Variants in CEACAM8 observed in about 807,000 individuals in gnomAD.
The protein encoded by CEACAM8 is cell adhesion molecule CEACAM8.
CEACAM8 carries 31 observed loss-of-function variants against 33.4 expected under a neutral mutation model. That is an observed-to-expected ratio of 0.93 (90% confidence interval 0.70 to 1.25). CEACAM8 has a LOEUF of 1.25. Among genes scored for constraint, CEACAM8 ranks in the 50% most tolerant of loss-of-function variants. CEACAM8 has a pLI of 0.00. For missense variants in CEACAM8, 388 were observed against 434.6 expected, an observed-to-expected ratio of 0.89 and a Z score of 0.95; for synonymous variants, 138 against 164.5, an observed-to-expected ratio of 0.84 and a Z score of 1.23.
At chr19:42,587,934 C>T (rs189801056) in intron 4 of CEACAM8, among the ~76,000 whole-genome samples, 11 of 152,284 alleles carry the variant, frequency 7.2e-5, no homozygotes, top group East Asian at 5.8e-4. Flanking sequence ...ACCCAGGAGG[C>T]GGAGGGTGAG....
At chr19:42,586,756 A>G (rs2047281755) in intron 4 of CEACAM8, among the ~76,000 whole-genome samples, 1 of 152,178 alleles carries the variant, frequency 6.6e-6, no homozygotes, top group South Asian at 2.1e-4. Context: ...AAAATCAATA[A>G]CTTTTATATA....
intron 5 of CEACAM8, among the ~76,000 whole-genome samples, chr19:42,581,946 T>TATATATATATATATATATATATAA (rs765190705): frequency 4.8e-5 from 4 of 84,070 alleles, no homozygotes; most frequent in African/African-American, 1.4e-4. Context: ...TATATATATA[T>TATATATATATATATATATATATAA]AAAATAAGGT....
Position 42,588,799 on chromosome 19 carries a change from T to A in CEACAM8, c.943A>T (p.Met315Leu), listed in dbSNP as rs2042379149. ...ATGRNRTTVR[M>L]ITVSDALVQG... is the part of the protein sequence containing the mutation. ...ATCCACTTACCAGAGACTGTGATCA[T>A]CCTGACTGTGGTCCTGTTGCGGCCA... Residue 315 changes from methionine to leucine, a missense_variant, in exon 4 of 6, where the codon ATG becomes TTG. Physicochemically the swap from Met to Leu is conservative, Grantham distance 15 (BLOSUM62 2). Coordinates refer to ENST00000244336, the MANE Select transcript of CEACAM8 (RefSeq NM_001816.4). The A allele has an allele frequency of 6.2e-7, 1 of 1,614,050 alleles. No individual in the cohort carries two copies. Among genetic ancestry groups the A allele is most frequent in the African/African-American group, 1.3e-5 (1 of 74,922 alleles).
At chr19:42,585,334 C>CAAAAA (rs45540542) in intron 4 of CEACAM8, among the ~76,000 whole-genome samples, 4 of 112,724 alleles carry the variant, frequency 3.5e-5, no homozygotes, top group Admixed American at 9.0e-5. Context: ...AAAAAACAAA[C>CAAAAA]AAAAAAAAAA....
Position 42,589,438 on chromosome 19 carries a change from A to C in CEACAM8, c.703+19T>G. On this transcript the variant is annotated intron_variant, in intron 3 of 5. Transcript: ENST00000244336. ...TTTGGGCTGGTGGCCTGGGCCACAG[A>C]GGAACAGAAGATACTCACAGAGGAC... 6.2e-7 allele frequency: 1 copy of C among 1,613,820 alleles called. No individual in the cohort carries two copies. The highest frequency in any genetic ancestry group is 1.1e-5 in the South Asian group (1 of 91,088).
In CEACAM8 at chr19:42,593,561, GTTAC is replaced by G. The variant is rs1388323383; in HGVS notation, c.400_403del (p.Val134LeufsTer46). 1 of 1,576,938 alleles carries G rather than the reference GTTAC, an allele frequency of 6.3e-7. No individual in the cohort carries two copies. ...CTCACGATGTACGCTGAACTGGCCA[GTTAC>G]TTCTTCACTCATAAGATTTAGCTTT... On this transcript the variant is annotated frameshift_variant, in exon 2 of 6. Transcript: ENST00000244336. LOFTEE classifies it high-confidence loss of function.
intron 4 of CEACAM8, among the ~76,000 whole-genome samples, chr19:42,584,203 TACAC>T (rs568291319): frequency 2.6e-4 from 39 of 149,130 alleles, no homozygotes; most frequent in East Asian, 7.8e-4. Flanking sequence ...AGATACCTTT[TACAC>T]ACACACACAC....
At position 42,581,067 on chromosome 19, in the gene CEACAM8, G is replaced by T. The variant is rs900975706; in HGVS notation, c.*327C>A. 1 of 134,604 alleles carries T rather than the reference G, an allele frequency of 7.4e-6. No homozygotes were observed. The highest frequency in any genetic ancestry group is 1.5e-5 in the Non-Finnish European group (1 of 64,996). 8.3% of individuals were successfully genotyped at this position (134,604 alleles called of 1,614,324 possible). Reference sequence around the variant, plus strand: ...TGCACTCCAGCCTGGGCGACAGAGCGAGATTCCATCTCAAAAAAAAAAAAA... The same window carrying T: ...TGCACTCCAGCCTGGGCGACAGAGCTAGATTCCATCTCAAAAAAAAAAAAA... On this transcript the variant is annotated 3_prime_UTR_variant, in exon 6 of 6. Coordinates refer to ENST00000244336, the MANE Select transcript of CEACAM8 (RefSeq NM_001816.4).
rs2042247379 is a variant in CEACAM8 at position 42,580,566 on chromosome 19, G to C, written c.*828C>G. 1 of 152,164 alleles carries C rather than the reference G, an allele frequency of 6.6e-6. No homozygotes were observed. The highest frequency in any genetic ancestry group is 2.4e-5 in the African/African-American group (1 of 41,404). The allele number at this position is 152,164 out of a possible 1,614,324, so 9.4% of individuals were successfully genotyped here. The stretch of plus-strand genomic sequence containing the variant: ...ACTATATCCCATTATAAAGACAGCA[G>C]ATTCTCACTGAACTTGTGCAAATAA... On this transcript the variant is annotated 3_prime_UTR_variant, in exon 6 of 6. Coordinates refer to ENST00000244336, the MANE Select transcript of CEACAM8 (RefSeq NM_001816.4).
At chr19:42,590,845 CT>C (rs2042425232) in intron 2 of CEACAM8, among the ~76,000 whole-genome samples, 1 of 152,196 alleles carries the variant, frequency 6.6e-6, no homozygotes, top group Admixed American at 6.5e-5. Context: ...TTCTAGAGAT[CT>C]GCTGTACAGC....
rs762240350 is a variant in CEACAM8 at position 42,593,810 on chromosome 19, A to C, written c.155T>G (p.Leu52Arg). The part of the protein sequence containing the change: ...PSNAAEGKEV[L>R]LLVHNLPQDP... The stretch of plus-strand genomic sequence containing the variant: ...CTGGGGCAGATTGTGGACAAGTAGA[A>C]GAACCTCCTTCCCCTCTGCAGCATT... Residue 52 changes from leucine to arginine, a missense_variant, in exon 2 of 6, where the codon CTT becomes CGT. Physicochemically the swap from Leu to Arg is moderately radical, Grantham distance 102 (BLOSUM62 -2). Transcript: ENST00000244336. 3 of 1,614,108 alleles carry C rather than the reference A, an allele frequency of 1.9e-6. No individual in the cohort carries two copies. Among genetic ancestry groups the C allele is most frequent in the Non-Finnish European group, 2.5e-6 (3 of 1,179,988 alleles).
chr19:42,583,398 C>A, intron 4 of CEACAM8, 61 bp from the exon 5 acceptor site: 1 of 1,075,452 alleles, frequency 9.3e-7, no homozygotes, highest in East Asian at 2.4e-5. Context: ...GTGGGGTACC[C>A]CAGGAACCAG....
chr19:42,586,400 C>T (rs886250858), intron 4 of CEACAM8, among the ~76,000 whole-genome samples: 2 of 152,096 alleles, frequency 1.3e-5, no homozygotes, highest in African/African-American at 2.4e-5. Flanking sequence ...CAGAAACCAG[C>T]GGAATAGAAC....
intron 1 of CEACAM8, among the ~76,000 whole-genome samples, chr19:42,594,367 A>G (rs887566010): frequency 6.6e-6 from 1 of 151,530 alleles, no homozygotes; most frequent in Non-Finnish European, 1.5e-5. Flanking sequence ...CAGGCTTCAG[A>G]CTCCTGTGGA....
At chr19:42,588,129 G>T (rs1311682320) in intron 4 of CEACAM8, among the ~76,000 whole-genome samples, 1 of 152,146 alleles carries the variant, frequency 6.6e-6, no homozygotes, top group Non-Finnish European at 1.5e-5. Flanking sequence ...GAGTCTTCCC[G>T]GAGGCTCCCT....
At chr19:42,592,597 C>CAAAAAAAAAAAAAAAAAAAAAAAAAAA (rs922130468) in intron 2 of CEACAM8, among the ~76,000 whole-genome samples, 1 of 41,884 alleles carries the variant, frequency 2.4e-5, no homozygotes, top group Non-Finnish European at 5.1e-5. Context: ...GACTCCGTCT[C>CAAAAAAAAAAAAAAAAAAAAAAAAAAA]AAAAAAAAAA....
At chr19:42,592,155 C>T (rs944045866) in intron 2 of CEACAM8, among the ~76,000 whole-genome samples, 10 of 152,270 alleles carry the variant, frequency 6.6e-5, no homozygotes, top group Admixed American at 3.3e-4. Flanking sequence ...GTCCGTGGAA[C>T]GCAATAAGCC....
intron 5 of CEACAM8, among the ~76,000 whole-genome samples, chr19:42,581,751 G>C (rs185297005): frequency 6.6e-6 from 1 of 150,890 alleles, no homozygotes; most frequent in African/African-American, 2.4e-5. Context: ...TTAGCTGGGC[G>C]TGGTGGCAGG....
At chr19:42,591,525 G>C (rs996800532) in intron 2 of CEACAM8, among the ~76,000 whole-genome samples, 6 of 152,234 alleles carry the variant, frequency 3.9e-5, no homozygotes, top group Non-Finnish European at 8.8e-5. Context: ...TTCCTATGCA[G>C]AGTTAGGCAA....
Sources: allele counts gnomAD v4.1 joint callset (sites outside exome capture counted in the v4.1 genomes callset), GRCh38; gene constraint gnomAD v4.1.1; transcripts MANE v1.5; gene names NCBI Gene and HGNC (gene_info 2026-07-23, HGNC 2026-07-21).